The following DDX6 variants were observed in gnomAD, a reference collection of about 807,000 sequenced individuals.
DDX6 encodes DEAD-box helicase 6.
Under a neutral mutation model 60.6 loss-of-function variants are expected in DDX6, and 7 were observed. The observed-to-expected ratio is 0.12, with a 90% CI of 0.07 to 0.22. DDX6 has a LOEUF of 0.22. DDX6 is among the 10% of genes least tolerant of loss of function. DDX6 has a pLI of 1.00. For missense variants in DDX6, 270 were observed against 589.9 expected (o/e 0.46, Z 5.62); for synonymous variants, 207 against 201.0 (o/e 1.03, Z -0.25).
At chr11:118,763,450 T>C (rs1289283126) in intron 6 of DDX6, 144 bp from the exon 7 acceptor site, 4 of 653,398 alleles carry the variant, frequency 6.1e-6, no homozygotes, top group African/African-American at 3.7e-5. Flanking sequence ...TACTCCATTG[T>C]ATAGCTCCAT....
intron 3 of DDX6, 38 bp from the exon 4 acceptor site, chr11:118,779,774 C>T (rs1861826156): frequency 6.9e-7 from 1 of 1,445,414 alleles, no homozygotes; most frequent in Non-Finnish European, 9.5e-7. Flanking sequence ...GAATAAATAA[C>T]ACTGTTGGTA....
intron 1 of DDX6, chr11:118,789,662 G>C (rs1236114850): frequency 6.6e-6 from 1 of 152,126 alleles, no homozygotes; most frequent in African/African-American, 2.4e-5. Context: ...TATGATCAGC[G>C]ATATCACGCA....
At chr11:118,776,977 T>C (rs994042165) in intron 4 of DDX6, among the ~76,000 whole-genome samples, 1 of 152,082 alleles carries the variant, frequency 6.6e-6, no homozygotes, top group Non-Finnish European at 1.5e-5. Flanking sequence ...TTTGATACTT[T>C]ATCCAGCCAA....
At chr11:118,772,391 C>G (rs1372370501) in intron 4 of DDX6, among the ~76,000 whole-genome samples, 1 of 151,996 alleles carries the variant, frequency 6.6e-6, no homozygotes, top group Non-Finnish European at 1.5e-5. Context: ...GTCAAAGAAG[C>G]CAGTCACAAA....
intron 4 of DDX6, among the ~76,000 whole-genome samples, chr11:118,773,503 C>T (rs904693474): frequency 1.3e-5 from 2 of 152,050 alleles, no homozygotes; most frequent in African/African-American, 2.4e-5. Context: ...ACCCAGGAGG[C>T]AGAACTTGCA....
In DDX6 at chr11:118,751,495, T is replaced by TG. The variant is rs1860767999; in HGVS notation, c.*609dup. 6.6e-6 allele frequency: 1 copy of TG among 152,316 alleles called. No homozygotes were observed. The highest frequency in any genetic ancestry group is 1.5e-5 in the Non-Finnish European group (1 of 68,234). 9.4% of individuals were successfully genotyped at this position (152,316 alleles called of 1,614,324 possible). The stretch of plus-strand genomic sequence containing the variant: ...AACTTCTAGCCCTGGGCTCGAGTAC[T>TG]GGGTAGAAAGGGAAGAGACTTCAAC... On this transcript the variant is annotated 3_prime_UTR_variant, in exon 14 of 14. Transcript: ENST00000534980.
intron 7 of DDX6, among the ~76,000 whole-genome samples, chr11:118,762,213 T>A (rs1243023681): frequency 6.6e-6 from 1 of 150,744 alleles, no homozygotes. Context: ...GAGGCAGAGG[T>A]TGTAGTGAGC....
chr11:118,759,845 T>C (rs1861106848), intron 8 of DDX6, 77 bp downstream of exon 8: 3 of 1,449,810 alleles, frequency 2.1e-6, no homozygotes, highest in Non-Finnish European at 2.8e-6. Context: ...TTCACAGATA[T>C]GAAGATGTAA....
At chr11:118,757,377 A>T (rs1861012045) in intron 9 of DDX6, 90 bp from the exon 10 acceptor site, 1 of 605,632 alleles carries the variant, frequency 1.7e-6, no homozygotes, top group African/African-American at 1.9e-5. Context: ...GCAAAAAAGA[A>T]ACATTAACAT....
At chr11:118,755,801 G>C (rs1222768294) in intron 11 of DDX6, among the ~76,000 whole-genome samples, 1 of 151,658 alleles carries the variant, frequency 6.6e-6, no homozygotes. Flanking sequence ...ATCACCTGAG[G>C]TCAGGAGTTC....
At chr11:118,770,792 G>A (rs1467405353) in intron 4 of DDX6, among the ~76,000 whole-genome samples, 1 of 150,994 alleles carries the variant, frequency 6.6e-6, no homozygotes, top group Non-Finnish European at 1.5e-5. Context: ...TGAGGTAGGA[G>A]AACTGCTTGA....
chr11:118,763,971 G>A lies in DDX6; in HGVS notation c.647-665C>T, dbSNP rs1861263430. On this transcript the variant is annotated intron_variant, in intron 6 of 13. Transcript: ENST00000534980. ...ACCACAGGATGCTTAAAAAATATTTGTTTCACCTCTACATTGGGTGGGGTA... is the reference window on the plus strand; with the variant it reads ...ACCACAGGATGCTTAAAAAATATTTATTTCACCTCTACATTGGGTGGGGTA... 1.3e-5 allele frequency among the ~76,000 whole-genome samples: 2 copies of A among 151,964 alleles called. 1 individual carries two copies. Among genetic ancestry groups the A allele is most frequent in the South Asian group, 4.2e-4 (2 of 4,814 alleles).
chr11:118,777,479 C>T (rs1861738905), intron 4 of DDX6, among the ~76,000 whole-genome samples: 1 of 152,110 alleles, frequency 6.6e-6, no homozygotes, highest in Non-Finnish European at 1.5e-5. Flanking sequence ...AACAGGGTAC[C>T]TAATGCCTGG....
intron 13 of DDX6, 90 bp from the exon 14 acceptor site, chr11:118,752,187 T>C (rs1860797648): frequency 5.7e-6 from 1 of 174,776 alleles, no homozygotes; most frequent in Admixed American, 6.4e-5. Flanking sequence ...CAAATGCTCT[T>C]TTCTAGTAGT....
chr11:118,783,843 C>T (rs1426425146), intron 2 of DDX6, among the ~76,000 whole-genome samples: 1 of 84,148 alleles, frequency 1.2e-5, no homozygotes, highest in Admixed American at 1.3e-4. Flanking sequence ...AGGCTGGGCG[C>T]AGTGGCTCAC....
chr11:118,761,033 A>G (rs1226842565), intron 7 of DDX6, among the ~76,000 whole-genome samples: 1 of 151,818 alleles, frequency 6.6e-6, no homozygotes, highest in Non-Finnish European at 1.5e-5. Context: ...CCAACTACTC[A>G]GGAGGCTGAG....
intron 4 of DDX6, among the ~76,000 whole-genome samples, chr11:118,773,216 C>T (rs1565572421): frequency 6.6e-6 from 1 of 152,166 alleles, no homozygotes; most frequent in Admixed American, 6.5e-5. Context: ...CAACTAGCTG[C>T]ATTTACACTG....
At chr11:118,752,866 A>C (rs1242694384) in intron 13 of DDX6, among the ~76,000 whole-genome samples, 2 of 152,124 alleles carry the variant, frequency 1.3e-5, no homozygotes, top group African/African-American at 2.4e-5. Flanking sequence ...AAGTGGGAGG[A>C]TCATTTGAAC....
At position 118,749,132 on chromosome 11, in the gene DDX6, G is replaced by T. The variant is rs1344014968; in HGVS notation, c.*2973C>A. On this transcript the variant is annotated 3_prime_UTR_variant, in exon 14 of 14. Coordinates refer to ENST00000534980, the MANE Select transcript of DDX6 (RefSeq NM_004397.6). ...GGAAAGAAAAAACATAGGCCTAGAG[G>T]TGGTAAGGTGTGTAACAGTCCATAG... The T allele has an allele frequency of 5.3e-5, 8 of 151,906 alleles. No individual in the cohort carries two copies. The highest frequency in any genetic ancestry group is 1.9e-4 in the African/African-American group (8 of 41,350). The allele number at this position is 151,906 out of a possible 1,614,324, so 9.4% of individuals were successfully genotyped here.
Sources: gnomAD v4.1 joint callset for allele counts (sites outside exome capture counted in the v4.1 genomes callset) on GRCh38, gnomAD v4.1.1 for gene constraint, MANE v1.5 for transcripts, NCBI Gene and HGNC (gene_info 2026-07-23, HGNC 2026-07-21) for gene names.